The following KCNQ5 variants were observed in gnomAD, a reference collection of about 807,000 sequenced individuals.
The protein encoded by KCNQ5 is potassium voltage-gated channel subfamily Q member 5.
A neutral mutation model predicts 98.2 loss-of-function variants in KCNQ5; 30 were observed. The ratio of observed to expected loss-of-function variants is 0.31; its 90% CI spans 0.23 to 0.41. The LOEUF is 0.41. KCNQ5 is among the 10% of genes least tolerant of loss of function. KCNQ5 has a pLI of 1.00. For missense variants in KCNQ5, 835 were observed against 1,182.5 expected (o/e 0.71, Z 4.31); for synonymous variants, 458 against 449.4 (o/e 1.02, Z -0.24).
At chr6:72,995,163 G>T (rs1456420350) in intron 1 of KCNQ5, among the ~76,000 whole-genome samples, 1 of 152,182 alleles carries the variant, frequency 6.6e-6, no homozygotes, top group Non-Finnish European at 1.5e-5. Flanking sequence ...CAGGTCAGGA[G>T]TTCAAGACCA....
At chr6:72,720,879 C>G (rs1273119495) in intron 1 of KCNQ5, among the ~76,000 whole-genome samples, 4 of 152,166 alleles carry the variant, frequency 2.6e-5, no homozygotes, top group African/African-American at 9.7e-5. Flanking sequence ...CCTATTGCTT[C>G]TTCTTAAAAA....
At chr6:72,988,757 A>G (rs1768952837) in intron 1 of KCNQ5, among the ~76,000 whole-genome samples, 2 of 111,580 alleles carry the variant, frequency 1.8e-5, no homozygotes, top group Non-Finnish European at 3.6e-5. Flanking sequence ...TGCACCCACT[A>G]ATGTGTCATC....
intron 10 of KCNQ5, among the ~76,000 whole-genome samples, chr6:73,141,704 C>T (rs1384760441): frequency 1.3e-5 from 2 of 152,192 alleles, no homozygotes; most frequent in Non-Finnish European, 2.9e-5. Flanking sequence ...TACCTTTTGG[C>T]TTCTGTAGAT....
chr6:72,633,044 A>T (rs758335127), intron 1 of KCNQ5, among the ~76,000 whole-genome samples: 4 of 152,174 alleles, frequency 2.6e-5, no homozygotes, highest in African/African-American at 4.8e-5. Flanking sequence ...TTACATTCCC[A>T]CTAACAGTGT....
At chr6:73,160,057 A>G (rs1777551862) in intron 10 of KCNQ5, among the ~76,000 whole-genome samples, 1 of 152,086 alleles carries the variant, frequency 6.6e-6, no homozygotes, top group African/African-American at 2.4e-5. Context: ...TCTGTCGCCC[A>G]GGCTGGAGTG....
chr6:73,062,679 T>A (rs182246884), intron 3 of KCNQ5, among the ~76,000 whole-genome samples: 1 of 152,372 alleles, frequency 6.6e-6, no homozygotes, highest in African/African-American at 2.4e-5. Flanking sequence ...CTGCATTTTT[T>A]AATCTAATTG....
intron 1 of KCNQ5, among the ~76,000 whole-genome samples, chr6:72,904,249 G>A (rs762498828): frequency 5.3e-5 from 8 of 152,092 alleles, no homozygotes. Context: ...TGGTACTTAT[G>A]TGTTAGATGA....
chr6:72,779,551 C>G (rs1773343880), intron 1 of KCNQ5, among the ~76,000 whole-genome samples: 1 of 151,878 alleles, frequency 6.6e-6, no homozygotes, highest in Admixed American at 6.6e-5. Context: ...TCTAGGAGAG[C>G]AGTGAGTATT....
intron 9 of KCNQ5, among the ~76,000 whole-genome samples, chr6:73,124,936 GATATATATATATATATAT>G (rs1180218889): frequency 9.2e-5 from 7 of 76,296 alleles, no homozygotes; most frequent in East Asian, 7.4e-4. Context: ...CTTTTGGAGT[GATATATATATATATATAT>G]ATATATATAT....
chr6:73,141,712 G>C (rs774806416), intron 10 of KCNQ5, among the ~76,000 whole-genome samples: 4 of 152,170 alleles, frequency 2.6e-5, no homozygotes, highest in Non-Finnish European at 5.9e-5. Flanking sequence ...GGCTTCTGTA[G>C]ATCCAGGTTT....
At chr6:73,056,890 C>T (rs561554753) in intron 3 of KCNQ5, among the ~76,000 whole-genome samples, 1 of 152,190 alleles carries the variant, frequency 6.6e-6, no homozygotes, top group South Asian at 2.1e-4. Context: ...GGACTGTAAA[C>T]TAGTTCAACC....
intron 1 of KCNQ5, among the ~76,000 whole-genome samples, chr6:72,972,020 A>C (rs1007550365): frequency 6.6e-6 from 1 of 152,156 alleles, no homozygotes; most frequent in African/African-American, 2.4e-5. Context: ...TGATCTAGTG[A>C]GTTCTGTGGC....
At chr6:73,093,878 A>G (rs189297771) in intron 5 of KCNQ5, among the ~76,000 whole-genome samples, 263 of 152,130 alleles carry the variant, frequency 1.7e-3, no homozygotes, top group African/African-American at 4.1e-3. Flanking sequence ...TGTATATTCT[A>G]TGGTTGTTGG....
At chr6:73,076,882 A>G (rs542607032) in intron 3 of KCNQ5, among the ~76,000 whole-genome samples, 2 of 152,260 alleles carry the variant, frequency 1.3e-5, no homozygotes, top group South Asian at 4.2e-4. Context: ...ACACATTTAC[A>G]TGCCTCTGTC....
intron 1 of KCNQ5, among the ~76,000 whole-genome samples, chr6:72,804,191 A>G (rs1439298133): frequency 2.0e-5 from 3 of 152,086 alleles, no homozygotes; most frequent in Non-Finnish European, 2.9e-5. Context: ...TACTCCTTTC[A>G]TTATTTTTAA....
At chr6:72,725,658 G>C (rs1039519014) in intron 1 of KCNQ5, among the ~76,000 whole-genome samples, 14 of 152,230 alleles carry the variant, frequency 9.2e-5, no homozygotes, top group African/African-American at 2.6e-4. Flanking sequence ...ACTTGCTAAA[G>C]GATGAGATTT....
chr6:73,195,140 T>G lies in KCNQ5; in HGVS notation c.2525T>G (p.Leu842Arg). The G allele has an allele frequency of 6.2e-7, 1 of 1,614,216 alleles. No homozygotes were observed. Among genetic ancestry groups the G allele is most frequent in the Non-Finnish European group, 8.5e-7 (1 of 1,180,038 alleles). ...AACCTGATCAGGTCGACCGAGGAAC[T>G]GAATATACAACTTTCAGGGAGTGAG... Reference protein sequence around the residue: ...VQNLIRSTEELNIQLSGSESS... With the variant: ...VQNLIRSTEERNIQLSGSESS... Residue 842 changes from leucine (L) to arginine (R), a missense_variant, in exon 14 of 14, where the codon CTG becomes CGG. Physicochemically the swap from Leu to Arg is moderately radical, Grantham distance 102. This residue lies in a region of KCNQ5 where 416 missense variants were observed against 446.9 expected (regional missense o/e 0.93). Transcript: ENST00000370398.
intron 1 of KCNQ5, among the ~76,000 whole-genome samples, chr6:72,796,278 T>G (rs1774331266): frequency 6.6e-6 from 1 of 152,120 alleles, no homozygotes; most frequent in Non-Finnish European, 1.5e-5. Context: ...AAACTAATAA[T>G]CTCCCATTAT....
At chr6:72,891,385 T>C (rs551172711) in intron 1 of KCNQ5, among the ~76,000 whole-genome samples, 2 of 152,336 alleles carry the variant, frequency 1.3e-5, no homozygotes, top group South Asian at 4.1e-4. Flanking sequence ...TCAATTCAGA[T>C]ATTCTAGAGA....
Sources: allele counts gnomAD v4.1 joint callset (sites outside exome capture counted in the v4.1 genomes callset), GRCh38; gene constraint gnomAD v4.1.1; regional missense constraint gnomAD v4.1.1; transcripts MANE v1.5; gene names NCBI Gene and HGNC (gene_info 2026-07-23, HGNC 2026-07-21).